The following LINGO2 variants were observed in gnomAD, a reference collection of about 807,000 sequenced individuals.
The protein encoded by LINGO2 is leucine-rich repeat and immunoglobulin-like domain-containing nogo receptor-interacting protein 2.
LINGO2 carries 14 observed loss-of-function variants against 30.6 expected under a neutral mutation model. That is an observed-to-expected ratio of 0.46 (90% CI 0.30 to 0.72). The LOEUF is 0.72. Among genes scored for constraint, LINGO2 ranks in the 30% least tolerant of loss-of-function variants. The probability of loss-of-function intolerance (pLI) is 0.07; values close to 1 mark genes in which losing one functional copy is unlikely to be tolerated. For synonymous variants in LINGO2, 317 were observed against 288.5 expected (o/e 1.10, Z -1.00); for missense variants, 729 against 751.7 (o/e 0.97, Z 0.35).
chr9:29,020,460 C>T, the LINGO2 span, among the ~76,000 whole-genome samples: 1 of 152,094 alleles, frequency 6.6e-6, no homozygotes, highest in South Asian at 2.1e-4. Flanking sequence ...AGGATTACTG[C>T]TTTGTAGTTT....
intron 4 of LINGO2, among the ~76,000 whole-genome samples, chr9:28,207,377 A>G (rs866806951): frequency 2.6e-5 from 4 of 152,262 alleles, no homozygotes; most frequent in South Asian, 4.1e-4. Context: ...GTTACTTTAC[A>G]TAAATTGTAG....
chr9:28,876,247 TTTTTA>T, the LINGO2 span, among the ~76,000 whole-genome samples: 1 of 151,890 alleles, frequency 6.6e-6, no homozygotes, highest in Non-Finnish European at 1.5e-5. Context: ...ATTATTATTA[TTTTTA>T]TTTTATTTTT....
At chr9:28,482,850 T>C (rs1323813017) in intron 1 of LINGO2, among the ~76,000 whole-genome samples, 1 of 152,076 alleles carries the variant, frequency 6.6e-6, no homozygotes, top group Non-Finnish European at 1.5e-5. Flanking sequence ...TAATTCAAGA[T>C]GGATTAAAGA....
chr9:28,900,108 G>A, the LINGO2 span, among the ~76,000 whole-genome samples: 4 of 151,946 alleles, frequency 2.6e-5, no homozygotes, highest in East Asian at 1.9e-4. Flanking sequence ...CATGCCAATC[G>A]TCCTGGTTCC....
intron 2 of LINGO2, among the ~76,000 whole-genome samples, chr9:28,388,245 GTTAA>G (rs1821679287): frequency 6.6e-6 from 1 of 152,022 alleles, no homozygotes; most frequent in Non-Finnish European, 1.5e-5. Context: ...TCTGTTGTTT[GTTAA>G]TTCTCATTAA....
At chr9:28,005,400 G>T (rs904913442) in intron 5 of LINGO2, among the ~76,000 whole-genome samples, 2 of 152,118 alleles carry the variant, frequency 1.3e-5, no homozygotes, top group Admixed American at 1.3e-4. Context: ...AAATGAGACA[G>T]GATTAAAAAA....
intron 1 of LINGO2, among the ~76,000 whole-genome samples, chr9:28,534,981 A>G (rs1016950252): frequency 1.3e-5 from 2 of 152,168 alleles, no homozygotes; most frequent in African/African-American, 2.4e-5. Context: ...TTTTAAAAGC[A>G]TAAATGTAAC....
At chr9:27,950,275 T>C (rs1179258679) in exon 6 of LINGO2, 1 of 1,614,078 alleles carries the variant, frequency 6.2e-7, no homozygotes, top group Non-Finnish European at 8.5e-7. Flanking sequence ...ATGTCAAGCT[T>C]AGTGAGATTG....
At chr9:28,706,614 T>G in the LINGO2 span, among the ~76,000 whole-genome samples, 2 of 152,114 alleles carry the variant, frequency 1.3e-5, no homozygotes, top group Non-Finnish European at 2.9e-5. Flanking sequence ...ATGATAGACA[T>G]GCTATTCCAT....
chr9:29,131,283 G>C, the LINGO2 span, among the ~76,000 whole-genome samples: 2 of 151,978 alleles, frequency 1.3e-5, no homozygotes, highest in Admixed American at 1.3e-4. Flanking sequence ...GTGTATACCG[G>C]GACCATGCAT....
chr9:28,127,632 G>A (rs576335698), intron 4 of LINGO2, among the ~76,000 whole-genome samples: 1 of 152,272 alleles, frequency 6.6e-6, no homozygotes, highest in African/African-American at 2.4e-5. Flanking sequence ...CCTAACAAGT[G>A]GCAAAATGTC....
chr9:28,643,586 C>T (rs1199134658), intron 1 of LINGO2, among the ~76,000 whole-genome samples: 1 of 151,988 alleles, frequency 6.6e-6, no homozygotes, highest in South Asian at 2.1e-4. Context: ...GAAACTATTA[C>T]AAGAAAACAT....
chr9:28,170,793 G>A (rs1275462978), intron 4 of LINGO2, among the ~76,000 whole-genome samples: 3 of 152,116 alleles, frequency 2.0e-5, no homozygotes, highest in Non-Finnish European at 2.9e-5. Flanking sequence ...TTCCTTCTCT[G>A]ACTTTGATTC....
the LINGO2 span, among the ~76,000 whole-genome samples, chr9:28,688,759 G>A: frequency 3.3e-5 from 5 of 152,144 alleles, no homozygotes; most frequent in African/African-American, 1.2e-4. Context: ...TCTACTGTGA[G>A]TCACTTTCAT....
chr9:28,024,101 C>T (rs1823263384), intron 4 of LINGO2, among the ~76,000 whole-genome samples: 1 of 152,186 alleles, frequency 6.6e-6, no homozygotes, highest in Non-Finnish European at 1.5e-5. Flanking sequence ...GTTTTAAGAA[C>T]AGGAGTGACC....
At chr9:29,041,853 T>C in the LINGO2 span, among the ~76,000 whole-genome samples, 1 of 151,924 alleles carries the variant, frequency 6.6e-6, no homozygotes, top group Non-Finnish European at 1.5e-5. Flanking sequence ...GTTGAAAGGA[T>C]GAAAAGTCAA....
intron 4 of LINGO2, among the ~76,000 whole-genome samples, chr9:28,201,927 T>C (rs549628465): frequency 2.0e-4 from 31 of 152,150 alleles, no homozygotes; most frequent in Non-Finnish European, 4.0e-4. Flanking sequence ...CTCTTTCTCA[T>C]GAAGTTCAAA....
chr9:28,829,374 GA>G, the LINGO2 span, among the ~76,000 whole-genome samples: 80 of 152,300 alleles, frequency 5.3e-4, no homozygotes, highest in African/African-American at 1.9e-3. Context: ...TTAGGATACA[GA>G]AGGTTGTCAC....
At chr9:29,034,676 T>C in the LINGO2 span, among the ~76,000 whole-genome samples, 3 of 152,162 alleles carry the variant, frequency 2.0e-5, no homozygotes, top group African/African-American at 4.8e-5. Context: ...AAGATATCAA[T>C]AAATTAATCA....
Sources: gnomAD v4.1 joint callset for allele counts (sites outside exome capture counted in the v4.1 genomes callset) on GRCh38, gnomAD v4.1.1 for gene constraint, MANE v1.5 for transcripts, NCBI Gene and HGNC (gene_info 2026-07-23, HGNC 2026-07-21) for gene names.